DOCK3: variants seen among roughly 807,000 people sequenced by gnomAD.
The protein encoded by DOCK3 is dedicator of cytokinesis protein 3.
In DOCK3, 60 loss-of-function variants were observed where a neutral mutation model predicts 265.6. The ratio of observed to expected loss-of-function variants is 0.23; its 90% CI spans 0.18 to 0.28. DOCK3 has a LOEUF of 0.28. DOCK3 is among the 10% of genes least tolerant of loss of function. The pLI is 1.00. For synonymous variants in DOCK3, 881 were observed against 938.0 expected (o/e 0.94, Z 1.11); for missense variants, 1,981 against 2,594.3 (o/e 0.76, Z 5.14).
intron 5 of DOCK3, among the ~76,000 whole-genome samples, chr3:51,042,025 C>G: frequency 6.6e-6 from 1 of 152,196 alleles, no homozygotes; most frequent in East Asian, 1.9e-4. Context: ...GGTATTATTT[C>G]TACTGAAAAC....
chr3:50,933,230 C>A (rs777322180), intron 4 of DOCK3, among the ~76,000 whole-genome samples: 2 of 152,138 alleles, frequency 1.3e-5, no homozygotes, highest in Admixed American at 1.3e-4. Flanking sequence ...CATATCAGTA[C>A]CTTTTCATTT....
chr3:51,372,617 T>C (rs2087775291), intron 49 of DOCK3, among the ~76,000 whole-genome samples: 2 of 152,218 alleles, frequency 1.3e-5, no homozygotes, highest in Admixed American at 6.5e-5. Flanking sequence ...ACGGACAACC[T>C]GAGCAAGACA....
rs775087055 is a variant in DOCK3 at position 51,360,602 on chromosome 3, C to T, written c.4976C>T (p.Pro1659Leu). The change falls in exon 47 of 53, where the codon CCG (proline) becomes CTG (leucine). Residue 1659 changes from proline (P) to leucine (L), a missense_variant. Around this residue, in one of 4 missense-constraint regions of DOCK3, gnomAD observed 1,357 missense variants for 1,866.8 expected, o/e 0.73. Coordinates refer to ENST00000266037, the MANE Select transcript of DOCK3 (RefSeq NM_004947.5). The part of the protein sequence containing the change: ...NVLASHSPMS[P>L]ESIKMTHRHS... ...CTGGCATCCCATAGCCCCATGAGTC[C>T]GGAGAGCATCAAGATGACCCACCGG... The T allele has an allele frequency of 5.0e-6, 8 of 1,613,686 alleles. No homozygotes were observed. In the African/African-American group the frequency reaches 5.3e-5, roughly 11 times the overall value.
intron 2 of DOCK3, among the ~76,000 whole-genome samples, chr3:50,837,757 C>T (rs1390500137): frequency 6.6e-6 from 1 of 152,036 alleles, no homozygotes; most frequent in Non-Finnish European, 1.5e-5. Flanking sequence ...AGGAAGCAAT[C>T]CTGAGATACT....
chr3:51,381,412 G>A lies in DOCK3; in HGVS notation c.5946G>A (p.Leu1982=), dbSNP rs781908249. ...CGCCCAAGCCCTACCACCCCCGCCTGCCGGCCCTGGAGCACGATGAGGGGG... is the reference window on the plus strand; with the variant it reads ...CGCCCAAGCCCTACCACCCCCGCCTACCGGCCCTGGAGCACGATGAGGGGG... The part of the protein sequence containing the change: ...ALPPKPYHPR[L]PALEHDEGVL... The change falls in exon 53 of 53, where the codon CTG becomes CTA. Residue 1982 remains leucine (L), a synonymous_variant. Transcript: ENST00000266037. The surrounding 1 kb of genome is among the most constrained non-coding windows in gnomAD (Gnocchi z 5.6). 2.5e-6 allele frequency: 4 copies of A among 1,612,102 alleles called. No homozygotes were observed. The highest frequency in any genetic ancestry group is 3.3e-4 in the Middle Eastern group (2 of 6,078).
rs34676863 is a variant in DOCK3, at chr3:51,018,441, G to GTT, written c.316-45996_316-45995dup. Reference sequence around the variant, plus strand: ...AGTGAGACACTATCTCCACAAAAAAGTTTTTTTTTTTTAAGTAAAATTAAA... The same window carrying GTT: ...AGTGAGACACTATCTCCACAAAAAAGTTTTTTTTTTTTTTAAGTAAAATTAAA... On this transcript the variant is annotated intron_variant, in intron 5 of 52. Coordinates refer to ENST00000266037, the MANE Select transcript of DOCK3 (RefSeq NM_004947.5). 4.6e-3 allele frequency among the ~76,000 whole-genome samples: 646 copies of GTT among 141,810 alleles called. 2 individuals are homozygous for GTT. Among genetic ancestry groups the GTT allele is most frequent in the Middle Eastern group, 0.015 (4 of 270 alleles). The allele number at this position is 141,810 out of a possible 152,430, so 93.0% of individuals were successfully genotyped here.
chr3:51,088,587 G>A lies in DOCK3; in HGVS notation c.550-656G>A, dbSNP rs74283367. On this transcript the variant is annotated intron_variant, in intron 7 of 52. Coordinates refer to ENST00000266037, the MANE Select transcript of DOCK3 (RefSeq NM_004947.5). ...CATTTTTAAAAAATTGAAAACCTAGGATTCTCACTTCTGCACTTAGGTCCC... is the reference window on the plus strand; with the variant it reads ...CATTTTTAAAAAATTGAAAACCTAGAATTCTCACTTCTGCACTTAGGTCCC... 1.5e-3 allele frequency among the ~76,000 whole-genome samples: 230 copies of A among 152,176 alleles called. 4 individuals carry two copies. In the East Asian group the frequency reaches 0.037, roughly 24 times the overall value.
At position 51,379,598 on chromosome 3, in the gene DOCK3, G is replaced by A. The variant is rs909380216; in HGVS notation, c.5501-527G>A. On this transcript the variant is annotated intron_variant, in intron 51 of 52. Coordinates refer to ENST00000266037, the MANE Select transcript of DOCK3 (RefSeq NM_004947.5). ...TAAGAAGACCTCCAGCGGGTCCCCC[G>A]ATAGTCCCTGGTCTCAGACTCTGCT... 22 of 985,332 alleles carry A rather than the reference G, an allele frequency of 2.2e-5. No individual in the cohort carries two copies. In the East Asian group the frequency reaches 3.4e-4, roughly 15 times the overall value. The allele number at this position is 985,332 out of a possible 1,614,324, so 61.0% of individuals were successfully genotyped here. A position where few individuals can be genotyped will look rare whatever the true frequency, so the allele number is the denominator to read the frequency against.
chr3:50,904,337 C>T (rs75206874), intron 4 of DOCK3, among the ~76,000 whole-genome samples: 14,552 of 152,258 alleles, frequency 0.096, 845 homozygotes, highest in Non-Finnish European at 0.12. Flanking sequence ...GGAATCGCTA[C>T]GCTGTCTTCC....
chr3:51,261,506 C>T (rs2108770719), intron 23 of DOCK3, among the ~76,000 whole-genome samples: 1 of 152,310 alleles, frequency 6.6e-6, no homozygotes, highest in Non-Finnish European at 1.5e-5. Flanking sequence ...AGACACTGAG[C>T]TAGCTGCAGG....
intron 5 of DOCK3, among the ~76,000 whole-genome samples, chr3:50,937,493 A>T (rs2051443588): frequency 1.3e-5 from 2 of 152,030 alleles, no homozygotes; most frequent in South Asian, 4.1e-4. Context: ...TCTCTACTAA[A>T]AATACAAAAA....
chr3:50,751,815 CA>C (rs1559592319), intron 1 of DOCK3, among the ~76,000 whole-genome samples: 1 of 152,032 alleles, frequency 6.6e-6, no homozygotes, highest in African/African-American at 2.4e-5. Context: ...TGGTGGAAGG[CA>C]AAGGGGAAGC....
intron 9 of DOCK3, among the ~76,000 whole-genome samples, chr3:51,123,675 AGCCCATTAGGGACTCAGC>A: frequency 6.6e-6 from 1 of 152,218 alleles, no homozygotes; most frequent in East Asian, 1.9e-4. Context: ...AGCCCTGGGA[AGCCCATTAGGGACTCAGC>A]ACCCAAGGTT....
chr3:50,801,980 A>T (rs1035695190), intron 2 of DOCK3, among the ~76,000 whole-genome samples: 7 of 152,092 alleles, frequency 4.6e-5, no homozygotes, highest in African/African-American at 1.4e-4. Context: ...TTTTAACTAC[A>T]GGTCTTTTTC....
intron 15 of DOCK3, 48 bp from the exon 16 acceptor site, chr3:51,227,235 G>C (rs770966949): frequency 1.3e-6 from 2 of 1,598,642 alleles, no homozygotes; most frequent in Non-Finnish European, 1.7e-6. Context: ...CAGAAATCCA[G>C]ACATTCCTAC....
chr3:50,820,013 C>G (rs1450590690), intron 2 of DOCK3, among the ~76,000 whole-genome samples: 1 of 152,104 alleles, frequency 6.6e-6, no homozygotes, highest in Non-Finnish European at 1.5e-5. Context: ...CTAGAAGTTA[C>G]AGTATATGTC....
At chr3:51,154,883 T>C (rs2085771001) in intron 10 of DOCK3, among the ~76,000 whole-genome samples, 1 of 152,236 alleles carries the variant, frequency 6.6e-6, no homozygotes, top group Non-Finnish European at 1.5e-5. Flanking sequence ...CATGATGTGC[T>C]CTTGTTCTGC....
chr3:50,994,049 A>C (rs2078197965), intron 5 of DOCK3, among the ~76,000 whole-genome samples: 1 of 152,138 alleles, frequency 6.6e-6, no homozygotes. Context: ...GACTTAAAGC[A>C]ATAGAAAGAT....
intron 2 of DOCK3, among the ~76,000 whole-genome samples, chr3:50,801,579 A>G (rs1021585673): frequency 5.3e-5 from 8 of 152,258 alleles, no homozygotes; most frequent in Admixed American, 1.3e-4. Context: ...ATATCTAACA[A>G]TCTTAAAGTT....
Sources: gnomAD v4.1 joint callset for allele counts (sites outside exome capture counted in the v4.1 genomes callset) on GRCh38, gnomAD v4.1.1 for gene constraint, gnomAD v4.1.1 regional missense constraint, Gnocchi (gnomAD v3.1) non-coding constraint, MANE v1.5 for transcripts, NCBI Gene and HGNC (gene_info 2026-07-23, HGNC 2026-07-21) for gene names.